The following GAS7 variants were observed in gnomAD, a reference collection of about 807,000 sequenced individuals.
GAS7 encodes growth arrest-specific protein 7.
GAS7 carries 28 observed loss-of-function variants against 71.1 expected under a neutral mutation model. That is an observed-to-expected ratio of 0.39 (90% CI 0.29 to 0.54). The LOEUF (loss-of-function observed/expected upper bound fraction) is 0.54, where lower values mean the gene tolerates loss of function less well. Ranked by LOEUF, GAS7 falls within the 20% of genes least tolerant of loss-of-function variation. GAS7 has a pLI of 0.62. For missense variants in GAS7, 436 were observed against 627.8 expected, an observed-to-expected ratio of 0.69 and a Z score of 3.27; for synonymous variants, 258 against 245.8, an observed-to-expected ratio of 1.05 and a Z score of -0.46.
chr17:9,942,525 A>T (rs1440361622), intron 7 of GAS7, among the ~76,000 whole-genome samples: 1 of 152,136 alleles, frequency 6.6e-6, no homozygotes, highest in African/African-American at 2.4e-5. Flanking sequence ...TGTGTTCCCA[A>T]GCTCTTTAGA....
intron 11 of GAS7, among the ~76,000 whole-genome samples, 181 bp downstream of exon 11, chr17:9,925,295 A>G (rs981091907): frequency 6.6e-6 from 1 of 152,140 alleles, no homozygotes; most frequent in African/African-American, 2.4e-5. Flanking sequence ...TTTCTTTGAG[A>G]TCTCTGGGTG....
At chr17:9,943,276 T>C (rs540973930) in intron 6 of GAS7, 40 bp from the exon 7 acceptor site, 2 of 1,176,522 alleles carry the variant, frequency 1.7e-6, no homozygotes, top group South Asian at 2.4e-5. Context: ...AGGGCACGTC[T>C]GAGTCTGGAG....
intron 1 of GAS7, among the ~76,000 whole-genome samples, chr17:10,024,112 A>G (rs2072375601): frequency 6.6e-6 from 1 of 152,210 alleles, no homozygotes; most frequent in Non-Finnish European, 1.5e-5. Context: ...TGACAGAGTG[A>G]GACTCTGTTT....
chr17:10,172,335 G>C (rs1322328842), intron 1 of GAS7, among the ~76,000 whole-genome samples: 6 of 152,126 alleles, frequency 3.9e-5, no homozygotes, highest in African/African-American at 1.4e-4. Flanking sequence ...CGCATGTCCG[G>C]CCCTGCCCAA....
intron 1 of GAS7, among the ~76,000 whole-genome samples, chr17:10,131,583 C>A (rs2073997521): frequency 6.6e-6 from 1 of 152,218 alleles, no homozygotes; most frequent in African/African-American, 2.4e-5. Flanking sequence ...GATCACACCA[C>A]TGCACTCCAG....
At chr17:9,950,074 G>C (rs1234149280) in intron 5 of GAS7, among the ~76,000 whole-genome samples, 6 of 151,984 alleles carry the variant, frequency 3.9e-5, no homozygotes, top group African/African-American at 4.8e-5. Flanking sequence ...ACGTTGGCCA[G>C]GCTGGTCTCA....
At chr17:10,153,559 C>G (rs2074183642) in intron 1 of GAS7, among the ~76,000 whole-genome samples, 1 of 151,400 alleles carries the variant, frequency 6.6e-6, no homozygotes, top group Non-Finnish European at 1.5e-5. Context: ...AAACCTGAAG[C>G]CTGACTGGCT....
rs1186695115 is a variant in GAS7 at position 9,915,383 on chromosome 17, T to C, written c.*1845A>G. On this transcript the variant is annotated 3_prime_UTR_variant, in exon 14 of 14. Coordinates refer to ENST00000432992, the MANE Select transcript of GAS7 (RefSeq NM_201433.2). ...TTTTCATAAAGAAACCAAGAAATAATATTCTAAAATTGGTAGCTGGTGTCA... is the reference window on the plus strand; with the variant it reads ...TTTTCATAAAGAAACCAAGAAATAACATTCTAAAATTGGTAGCTGGTGTCA... 1 of 230,566 alleles carries C rather than the reference T, an allele frequency of 4.3e-6. No homozygotes were observed. Among genetic ancestry groups the C allele is most frequent in the Non-Finnish European group, 8.6e-6 (1 of 116,222 alleles). The allele number at this position is 230,566 out of a possible 1,614,324, so 14.3% of individuals were successfully genotyped here.
At chr17:10,197,313 C>CTT (rs1463930161) in intron 1 of GAS7, among the ~76,000 whole-genome samples, 2 of 152,304 alleles carry the variant, frequency 1.3e-5, no homozygotes, top group East Asian at 3.9e-4. Flanking sequence ...TTTAGGAATA[C>CTT]TGACACCATT....
At chr17:9,986,232 CT>C (rs2070643634) in intron 2 of GAS7, among the ~76,000 whole-genome samples, 1 of 152,198 alleles carries the variant, frequency 6.6e-6, no homozygotes, top group African/African-American at 2.4e-5. Context: ...TCCCAGAAAA[CT>C]TTCCCTTTGT....
chr17:10,110,132 A>T (rs1487873806), intron 1 of GAS7, among the ~76,000 whole-genome samples: 1 of 152,162 alleles, frequency 6.6e-6, no homozygotes, highest in Non-Finnish European at 1.5e-5. Context: ...CAATAGCAAA[A>T]TTATGGAATC....
chr17:9,995,655 C>T (rs1033032091), intron 2 of GAS7, among the ~76,000 whole-genome samples: 1 of 152,108 alleles, frequency 6.6e-6, no homozygotes, highest in Non-Finnish European at 1.5e-5. Flanking sequence ...TGACTGATAA[C>T]CCCTATCTAA....
chr17:9,956,123 C>G (rs192145762), intron 5 of GAS7, among the ~76,000 whole-genome samples: 2 of 152,346 alleles, frequency 1.3e-5, no homozygotes, highest in South Asian at 4.1e-4. Context: ...CCCCTAAGTC[C>G]TGGCCCAGCA....
At chr17:10,048,923 G>T (rs761743829) in intron 1 of GAS7, among the ~76,000 whole-genome samples, 5 of 152,068 alleles carry the variant, frequency 3.3e-5, no homozygotes, top group Admixed American at 6.6e-5. Flanking sequence ...AGCTCATTGC[G>T]GGGGGGAAGA....
At chr17:10,109,314 G>A (rs1005330259) in intron 1 of GAS7, among the ~76,000 whole-genome samples, 1 of 151,982 alleles carries the variant, frequency 6.6e-6, no homozygotes. Context: ...AGTTAGAACG[G>A]GTATGCCTGG....
chr17:10,019,918 G>C, intron 1 of GAS7, 21 bp from the exon 2 acceptor site: 1 of 1,610,706 alleles, frequency 6.2e-7, no homozygotes, highest in Non-Finnish European at 8.5e-7. Flanking sequence ...AGAAAGAAAA[G>C]GTCACACCCA....
intron 1 of GAS7, among the ~76,000 whole-genome samples, chr17:10,180,940 C>G (rs981469739): frequency 3.3e-5 from 5 of 151,502 alleles, no homozygotes; most frequent in African/African-American, 9.7e-5. Context: ...CTTAAAAGAT[C>G]AGAGACCCAA....
At chr17:9,918,681 C>T (rs530534109) in intron 12 of GAS7, among the ~76,000 whole-genome samples, 7 of 152,192 alleles carry the variant, frequency 4.6e-5, no homozygotes, top group East Asian at 1.9e-4. Flanking sequence ...CAATAGAGAC[C>T]GGGCCAGGGA....
intron 1 of GAS7, among the ~76,000 whole-genome samples, chr17:10,173,355 A>G (rs925362342): frequency 6.6e-6 from 1 of 152,108 alleles, no homozygotes; most frequent in African/African-American, 2.4e-5. Flanking sequence ...CTTTTTTTAA[A>G]AGTAGAAGGG....
Sources: allele counts gnomAD v4.1 joint callset (sites outside exome capture counted in the v4.1 genomes callset), GRCh38; gene constraint gnomAD v4.1.1; transcripts MANE v1.5; gene names NCBI Gene and HGNC (gene_info 2026-07-23, HGNC 2026-07-21).